The following COQ8A variants were observed in gnomAD, a reference collection of about 807,000 sequenced individuals.
COQ8A encodes coenzyme Q8A, also known as atypical kinase COQ8A, mitochondrial.
Under a neutral mutation model 65.0 loss-of-function variants are expected in COQ8A, and 51 were observed. The ratio of observed to expected loss-of-function variants is 0.78; its 90% CI spans 0.63 to 0.99. The LOEUF (loss-of-function observed/expected upper bound fraction) is 0.99, where lower values mean the gene tolerates loss of function less well. COQ8A is among the 50% of genes least tolerant of loss of function. The pLI is 0.00. For missense variants in COQ8A, 940 were observed against 875.0 expected (o/e 1.07, Z -0.94); for synonymous variants, 371 against 353.2 (o/e 1.05, Z -0.57).
chr1:226,977,648 G>T, intron 5 of COQ8A, 125 bp downstream of exon 5: 2 of 1,047,292 alleles, frequency 1.9e-6, no homozygotes, highest in African/African-American at 1.6e-5. Flanking sequence ...GGGGTTCCAC[G>T]TAAGTGGCGT....
At chr1:226,961,249 C>A in intron 1 of COQ8A, 128 bp from the exon 2 acceptor site, 1 of 980,664 alleles carries the variant, frequency 1.0e-6, no homozygotes, top group Non-Finnish European at 1.6e-6. Context: ...TATCTCTTAG[C>A]AGAAGGGGAG....
At chr1:226,960,855 A>G (rs528971775) in intron 1 of COQ8A, among the ~76,000 whole-genome samples, 2 of 152,188 alleles carry the variant, frequency 1.3e-5, no homozygotes, top group East Asian at 1.9e-4. Context: ...GGGCAGAGCA[A>G]TGGTGGCTGG....
At chr1:226,950,758 C>CTT (rs5781453) in intron 1 of COQ8A, among the ~76,000 whole-genome samples, 3,138 of 149,446 alleles carry the variant, frequency 0.021, 90 homozygotes, top group African/African-American at 0.071. Flanking sequence ...TAGTTGCTTG[C>CTT]TTTTTTTTTT....
intron 1 of COQ8A, among the ~76,000 whole-genome samples, chr1:226,947,554 C>G (rs1657117738): frequency 6.6e-6 from 1 of 152,146 alleles, no homozygotes; most frequent in Non-Finnish European, 1.5e-5. Context: ...CACCTATAAT[C>G]CCAGCACTTT....
At chr1:226,967,722 T>TGGAGTGA (rs1658650343) in intron 4 of COQ8A, among the ~76,000 whole-genome samples, 1 of 152,218 alleles carries the variant, frequency 6.6e-6, no homozygotes, top group Non-Finnish European at 1.5e-5. Context: ...GTTGAAGCCC[T>TGGAGTGA]AGTCTTGGGT....
Position 226,958,063 on chromosome 1 carries a change from A to C in COQ8A, c.-9-3314A>C, listed in dbSNP as rs543055112. Reference sequence around the variant, plus strand: ...TCAATAAAGACATTTATTTACTTTAATCGTGATCCCAACTCCATCGTGCTC... The same window carrying C: ...TCAATAAAGACATTTATTTACTTTACTCGTGATCCCAACTCCATCGTGCTC... On this transcript the variant is annotated intron_variant, in intron 1 of 14. Transcript: ENST00000366777. The C allele has an allele frequency of 3.9e-5, 6 of 152,228 alleles. No homozygotes were observed. In the East Asian group the frequency reaches 1.2e-3, roughly 29 times the overall value. 9.4% of individuals were successfully genotyped at this position (152,228 alleles called of 1,614,324 possible). A position where few individuals can be genotyped will look rare whatever the true frequency, so the allele number is the denominator to read the frequency against.
chr1:226,948,221 C>G (rs1379208200), intron 1 of COQ8A, among the ~76,000 whole-genome samples: 1 of 152,196 alleles, frequency 6.6e-6, no homozygotes, highest in Non-Finnish European at 1.5e-5. Context: ...GGACCCGACC[C>G]CTTGCCTTTT....
chr1:226,983,455 C>T, intron 8 of COQ8A, 97 bp from the exon 9 acceptor site: 2 of 1,163,722 alleles, frequency 1.7e-6, no homozygotes, highest in South Asian at 2.5e-5. Flanking sequence ...GGGGCCAGGA[C>T]ACAGCTGGGA....
At position 226,958,489 on chromosome 1, in the gene COQ8A, C is replaced by A. The variant is rs1482997584; in HGVS notation, c.-9-2888C>A. Reference sequence around the variant, plus strand: ...AGCATCAGTTGGCCCCTAGCTGTCTCCCTGGTGTCTGTGCCCATTATAGAG... The same window carrying A: ...AGCATCAGTTGGCCCCTAGCTGTCTACCTGGTGTCTGTGCCCATTATAGAG... On this transcript the variant is annotated intron_variant, in intron 1 of 14. Coordinates refer to ENST00000366777, the MANE Select transcript of COQ8A (RefSeq NM_020247.5). Among the ~76,000 whole-genome samples, 7 of 152,314 alleles carry A rather than the reference C, an allele frequency of 4.6e-5. No homozygotes were observed. In the East Asian group the frequency reaches 1.4e-3, roughly 29 times the overall value.
chr1:226,966,848 C>G (rs1192699780), intron 4 of COQ8A, among the ~76,000 whole-genome samples: 1 of 152,154 alleles, frequency 6.6e-6, no homozygotes, highest in Non-Finnish European at 1.5e-5. Context: ...GCCTGGTATT[C>G]TGGGAGCTGC....
At chr1:226,955,185 G>A (rs1657611153) in intron 1 of COQ8A, among the ~76,000 whole-genome samples, 1 of 152,044 alleles carries the variant, frequency 6.6e-6, no homozygotes, top group Admixed American at 6.5e-5. Context: ...CAGGGTGGGA[G>A]CCCTGGGAGG....
intron 1 of COQ8A, among the ~76,000 whole-genome samples, chr1:226,956,819 C>T (rs1208769348): frequency 7.5e-6 from 1 of 132,502 alleles, no homozygotes; most frequent in Non-Finnish European, 1.6e-5. Flanking sequence ...CTGGCTGCCA[C>T]TCCCTGGTTC....
chr1:226,986,262 T>G (rs538728134), intron 14 of COQ8A, among the ~76,000 whole-genome samples, 191 bp from the exon 15 acceptor site: 3 of 152,298 alleles, frequency 2.0e-5, no homozygotes, highest in Admixed American at 2.0e-4. Flanking sequence ...TTGTATCACA[T>G]CAGCCCAGTC....
In COQ8A at chr1:226,986,775, C is replaced by G. The variant is rs761034817; in HGVS notation, c.*38C>G. 1.2e-6 allele frequency: 2 copies of G among 1,600,128 alleles called. No homozygotes were observed. The highest frequency in any genetic ancestry group is 1.3e-5 in the African/African-American group (1 of 74,788). On this transcript the variant is annotated 3_prime_UTR_variant, in exon 15 of 15. Transcript: ENST00000366777. The stretch of plus-strand genomic sequence containing the variant: ...CGCCCAGGCCGGCTCCGCGGGAACT[C>G]TCTCCCTCAGACAGGCCAAAAACCA...
chr1:226,983,974 G>C (rs1659891422), intron 10 of COQ8A, 120 bp downstream of exon 10: 2 of 1,503,232 alleles, frequency 1.3e-6, no homozygotes, highest in South Asian at 2.3e-5. Flanking sequence ...TGCAGCCTGG[G>C]CCGAGGCCAT....
chr1:226,982,898 C>T lies in COQ8A; in HGVS notation c.944C>T (p.Thr315Ile). Residue 315 changes from threonine to isoleucine, a missense_variant, in exon 8 of 15, where the codon ACT becomes ATT. Thr to Ile is a moderately conservative substitution (Grantham distance 89). Coordinates refer to ENST00000366777, the MANE Select transcript of COQ8A (RefSeq NM_020247.5). ...CTCCCTGGCCCTGCCCTTCAGAAAA[C>T]TCTCAACAACGACCTGGGCCCCAAC... Reference protein sequence around the residue: ...DFMPLKQMMKTLNNDLGPNWR... With the variant: ...DFMPLKQMMKILNNDLGPNWR... 2 of 1,612,778 alleles carry T rather than the reference C, an allele frequency of 1.2e-6. No homozygotes were observed. Among genetic ancestry groups the T allele is most frequent in the Non-Finnish European group, 1.7e-6 (2 of 1,179,886 alleles).
chr1:226,953,637 C>CG (rs1433906185), intron 1 of COQ8A, among the ~76,000 whole-genome samples: 2 of 152,134 alleles, frequency 1.3e-5, no homozygotes, highest in Non-Finnish European at 2.9e-5. Flanking sequence ...GGCTCACTGA[C>CG]GGGGGAAGGA....
intron 10 of COQ8A, 119 bp from the exon 11 acceptor site, chr1:226,983,975 C>A: frequency 6.4e-7 from 1 of 1,554,644 alleles, no homozygotes; most frequent in Non-Finnish European, 8.7e-7. Flanking sequence ...GCAGCCTGGG[C>A]CGAGGCCATA....
chr1:226,966,291 G>T (rs745502458), intron 4 of COQ8A, among the ~76,000 whole-genome samples: 1 of 152,228 alleles, frequency 6.6e-6, no homozygotes, highest in African/African-American at 2.4e-5. Flanking sequence ...ACTTTGGGGG[G>T]TTGAGTTGTC....
Sources: gnomAD v4.1 joint callset for allele counts (sites outside exome capture counted in the v4.1 genomes callset) on GRCh38, gnomAD v4.1.1 for gene constraint, MANE v1.5 for transcripts, NCBI Gene and HGNC (gene_info 2026-07-23, HGNC 2026-07-21) for gene names.